The following CATSPERE variants were observed in gnomAD, a reference collection of about 807,000 sequenced individuals.
CATSPERE encodes the protein cation channel sperm-associated auxiliary subunit epsilon.
Under a neutral mutation model 114.1 loss-of-function variants are expected in CATSPERE, and 93 were observed. The ratio of observed to expected loss-of-function variants is 0.81; its 90% CI spans 0.69 to 0.97. The LOEUF (loss-of-function observed/expected upper bound fraction) is 0.97, where lower values mean the gene tolerates loss of function less well. Ranked by LOEUF, CATSPERE falls within the 50% of genes least tolerant of loss-of-function variation. The pLI is 0.00. For synonymous variants in CATSPERE, 341 were observed against 384.1 expected (o/e 0.89, Z 1.31); for missense variants, 1,058 against 1,131.6 (o/e 0.93, Z 0.93).
chr1:244,456,777 T>C (rs1666199635), upstream of CATSPERE, among the ~76,000 whole-genome samples: 1 of 152,026 alleles, frequency 6.6e-6, no homozygotes, highest in Non-Finnish European at 1.5e-5. Context: ...TCAGGCCTTA[T>C]CTTCACTTCT....
At chr1:244,553,640 CACACAT>C (rs1315103358) in intron 9 of CATSPERE, among the ~76,000 whole-genome samples, 3 of 136,230 alleles carry the variant, frequency 2.2e-5, no homozygotes, top group African/African-American at 1.1e-4. Context: ...CACACACACA[CACACAT>C]ACATATATAT....
intron 20 of CATSPERE, among the ~76,000 whole-genome samples, chr1:244,621,837 GA>G (rs1672439653): frequency 6.6e-6 from 1 of 152,116 alleles, no homozygotes; most frequent in African/African-American, 2.4e-5. Context: ...TCAATACACA[GA>G]TTAAACAAGA....
At chr1:244,467,236 G>C (rs969380148) in intron 2 of CATSPERE, among the ~76,000 whole-genome samples, 2 of 152,084 alleles carry the variant, frequency 1.3e-5, no homozygotes, top group Non-Finnish European at 1.5e-5. Flanking sequence ...AGATGGTTTT[G>C]TGTGGGAATT....
rs148727220 is a variant in CATSPERE, at chr1:244,512,103, T to G, written c.430-6489T>G. Among the ~76,000 whole-genome samples, 964 of 152,324 alleles carry G rather than the reference T, an allele frequency of 6.3e-3. 4 individuals are homozygous for G. Among genetic ancestry groups the G allele is most frequent in the Middle Eastern group, 0.031 (9 of 294 alleles). On this transcript the variant is annotated intron_variant, in intron 7 of 21. Coordinates refer to ENST00000366534, the MANE Select transcript of CATSPERE (RefSeq NM_001130957.2). ...TATATCTTGCAAGGCTTGGGAAGTT[T>G]TCAGCGATTATTTTGTAAAATAGCT...
chr1:244,543,800 T>C (rs932255605), intron 8 of CATSPERE, among the ~76,000 whole-genome samples: 2 of 151,856 alleles, frequency 1.3e-5, no homozygotes, highest in Non-Finnish European at 2.9e-5. Flanking sequence ...GATTAACTGA[T>C]CAGACCTACT....
chr1:244,518,693 A>G lies in CATSPERE; in HGVS notation c.531A>G (p.Arg177=). ...RKVYSSNEKM[R]RGTWRIVVPM... The stretch of plus-strand genomic sequence containing the variant: ...TTTATTCTTCAAATGAGAAAATGAG[A>G]AGGGGGTATTTAATTTTTTTTAATT... Residue 177 remains arginine (R), a synonymous_variant, in exon 8 of 22, where the codon AGA becomes AGG. Coordinates refer to ENST00000366534, the MANE Select transcript of CATSPERE (RefSeq NM_001130957.2). 6.8e-7 allele frequency: 1 copy of G among 1,476,052 alleles called. No individual in the cohort carries two copies. Among genetic ancestry groups the G allele is most frequent in the Non-Finnish European group, 9.2e-7 (1 of 1,086,248 alleles). The allele number at this position is 1,476,052 out of a possible 1,614,324, so 91.4% of individuals were successfully genotyped here. A position where few individuals can be genotyped will look rare whatever the true frequency, so the allele number is the denominator to read the frequency against.
At chr1:244,590,936 T>C (rs1667645516) in intron 14 of CATSPERE, among the ~76,000 whole-genome samples, 1 of 152,210 alleles carries the variant, frequency 6.6e-6, no homozygotes, top group African/African-American at 2.4e-5. Flanking sequence ...CTGTTTTGAA[T>C]TATTGTGGGT....
At chr1:244,639,170 C>G (rs1422339888) in intron 21 of CATSPERE, among the ~76,000 whole-genome samples, 1 of 152,230 alleles carries the variant, frequency 6.6e-6, no homozygotes, top group Non-Finnish European at 1.5e-5. Flanking sequence ...TCCAGAATGT[C>G]TAGGAGTGGT....
intron 21 of CATSPERE, among the ~76,000 whole-genome samples, chr1:244,637,700 T>C (rs974718653): frequency 6.6e-6 from 1 of 152,222 alleles, no homozygotes; most frequent in African/African-American, 2.4e-5. Flanking sequence ...TGTTACTCCC[T>C]CTGGCAAATC....
At chr1:244,563,266 T>C (rs1662869940) in intron 10 of CATSPERE, among the ~76,000 whole-genome samples, 1 of 152,366 alleles carries the variant, frequency 6.6e-6, no homozygotes. Flanking sequence ...TTATAATACT[T>C]TGGGTATACA....
intron 17 of CATSPERE, chr1:244,598,542 T>G: frequency 4.1e-6 from 1 of 243,622 alleles, no homozygotes; most frequent in South Asian, 4.8e-5. Flanking sequence ...GGTGTCTGTG[T>G]ACAAGAATCC....
At chr1:244,531,071 T>TA (rs1261258372) in intron 8 of CATSPERE, among the ~76,000 whole-genome samples, 19 of 140,360 alleles carry the variant, frequency 1.4e-4, no homozygotes, top group South Asian at 4.3e-4. Flanking sequence ...CTACTAAAAA[T>TA]AAAAAAAATT....
chr1:244,466,485 C>T (rs972021958), intron 2 of CATSPERE, among the ~76,000 whole-genome samples: 39 of 152,134 alleles, frequency 2.6e-4, no homozygotes, highest in African/African-American at 8.9e-4. Context: ...CCAGTACACA[C>T]TTGGGTAGCA....
chr1:244,561,186 C>CT, intron 10 of CATSPERE, 41 bp downstream of exon 10: 8 of 1,314,336 alleles, frequency 6.1e-6, no homozygotes, highest in Non-Finnish European at 8.5e-6. Context: ...CTAGATTTCA[C>CT]TATAGACATC....
At chr1:244,638,077 C>T (rs1674858545) in intron 21 of CATSPERE, among the ~76,000 whole-genome samples, 1 of 152,198 alleles carries the variant, frequency 6.6e-6, no homozygotes, top group Non-Finnish European at 1.5e-5. Flanking sequence ...TCTGTATATT[C>T]AACTTTCCCT....
At position 244,575,904 on chromosome 1, in the gene CATSPERE, C is replaced by T. The variant is rs1247229099; in HGVS notation, c.1950+3132C>T. Among the ~76,000 whole-genome samples, 3 of 151,996 alleles carry T rather than the reference C, an allele frequency of 2.0e-5. No individual in the cohort carries two copies. Among genetic ancestry groups the T allele is most frequent in the Non-Finnish European group, 4.4e-5 (3 of 67,990 alleles). ...TGGGGATTTTTCACCTCTTTTTAAC[C>T]TCTAAGACACCCTAAGAAATACTTC... On this transcript the variant is annotated intron_variant, in intron 11 of 21. Coordinates refer to ENST00000366534, the MANE Select transcript of CATSPERE (RefSeq NM_001130957.2). This position sits in a 1 kb window ranked among gnomAD's most constrained non-coding sequence, Gnocchi z 4.5.
intron 9 of CATSPERE, among the ~76,000 whole-genome samples, chr1:244,558,141 T>TTC (rs750857092): frequency 7.5e-6 from 1 of 132,532 alleles, no homozygotes; most frequent in East Asian, 2.0e-4. Flanking sequence ...TCTCTCTCTT[T>TTC]TTTTTTTTTT....
At chr1:244,629,284 T>G (rs1348980893) in intron 20 of CATSPERE, among the ~76,000 whole-genome samples, 1 of 152,138 alleles carries the variant, frequency 6.6e-6, no homozygotes, top group Non-Finnish European at 1.5e-5. Flanking sequence ...AGACGGGCTT[T>G]TCACCCTGGA....
At chr1:244,599,961 T>A (rs1668965731) in intron 17 of CATSPERE, among the ~76,000 whole-genome samples, 1 of 152,116 alleles carries the variant, frequency 6.6e-6, no homozygotes, top group South Asian at 2.1e-4. Context: ...TGGATTTTTT[T>A]AAAGAGGAAG....
Sources: allele counts gnomAD v4.1 joint callset (sites outside exome capture counted in the v4.1 genomes callset), GRCh38; gene constraint gnomAD v4.1.1; non-coding constraint Gnocchi (gnomAD v3.1); transcripts MANE v1.5; gene names NCBI Gene and HGNC (gene_info 2026-07-23, HGNC 2026-07-21).